Variants in SANBR observed in about 807,000 individuals in gnomAD.
The protein encoded by SANBR is SANT and BTB domain regulator of class switch recombination.
SANBR carries 77 observed loss-of-function variants against 101.8 expected under a neutral mutation model. That is an observed-to-expected ratio of 0.76 (90% CI 0.63 to 0.91). The LOEUF (loss-of-function observed/expected upper bound fraction) is 0.91. SANBR is among the 40% of genes least tolerant of loss of function. The probability of loss-of-function intolerance (pLI) is 0.00; values close to 1 mark genes in which losing one functional copy is unlikely to be tolerated. For synonymous variants in SANBR, 279 were observed against 274.7 expected (o/e 1.02, Z -0.15); for missense variants, 875 against 853.0 (o/e 1.03, Z -0.32).
intron 1 of SANBR, among the ~76,000 whole-genome samples, chr2:61,067,113 C>G (rs1681216240): frequency 6.6e-6 from 1 of 152,106 alleles, no homozygotes; most frequent in Non-Finnish European, 1.5e-5. Flanking sequence ...AATGCTATGC[C>G]TTTTATACTT....
chr2:61,079,418 T>C (rs149012979), intron 6 of SANBR, among the ~76,000 whole-genome samples: 31 of 152,342 alleles, frequency 2.0e-4, no homozygotes, highest in African/African-American at 7.2e-4. Flanking sequence ...AGTATTAAAA[T>C]AGAACTCTTA....
intron 12 of SANBR, among the ~76,000 whole-genome samples, chr2:61,101,667 A>C (rs1252385100): frequency 6.6e-6 from 1 of 150,694 alleles, no homozygotes; most frequent in East Asian, 2.0e-4. Context: ...TGGGAGGTGG[A>C]GCTTACAGTG....
chr2:61,072,709 A>T (rs1302720830), intron 4 of SANBR, among the ~76,000 whole-genome samples: 5 of 141,758 alleles, frequency 3.5e-5, no homozygotes, highest in Non-Finnish European at 7.7e-5. Flanking sequence ...AATTTCATGT[A>T]TTTTTTTTTT....
At chr2:61,082,912 T>C (rs947617588) in intron 7 of SANBR, among the ~76,000 whole-genome samples, 1 of 152,204 alleles carries the variant, frequency 6.6e-6, no homozygotes, top group African/African-American at 2.4e-5. Flanking sequence ...TTATTATTAT[T>C]TGAAATATTC....
rs564798487 is a variant in SANBR, at chr2:61,123,633, G to C, written c.*1471G>C. On this transcript the variant is annotated 3_prime_UTR_variant, in exon 22 of 22. Transcript: ENST00000402291. The stretch of plus-strand genomic sequence containing the variant: ...TTTTCTGATTAAAGGATTTGGATTT[G>C]TACATGTAAACAGTGCTGTAATGGT... The C allele has an allele frequency of 2.0e-6, 2 of 985,058 alleles. No individual in the cohort carries two copies. The highest frequency in any genetic ancestry group is 1.1e-4 in the East Asian group (1 of 8,950). The allele number at this position is 985,058 out of a possible 1,614,324, so 61.0% of individuals were successfully genotyped here.
intron 14 of SANBR, 31 bp downstream of exon 14, chr2:61,106,693 T>G: frequency 8.1e-7 from 1 of 1,238,748 alleles, no homozygotes; most frequent in Non-Finnish European, 1.2e-6. Flanking sequence ...TATTCTTTAT[T>G]TACATAAATA....
chr2:61,120,356 T>C (rs1278020023), intron 20 of SANBR, among the ~76,000 whole-genome samples: 2 of 152,046 alleles, frequency 1.3e-5, no homozygotes, highest in Non-Finnish European at 2.9e-5. Context: ...AAAAATTAGC[T>C]GGGCGTGGTG....
chr2:61,125,136 A>G (rs1684478198), downstream of SANBR, among the ~76,000 whole-genome samples: 2 of 152,204 alleles, frequency 1.3e-5, no homozygotes, highest in Non-Finnish European at 2.9e-5. Flanking sequence ...CAAGAATAAT[A>G]TTATTCCACC....
At chr2:61,074,611 C>T (rs987214801) in intron 5 of SANBR, among the ~76,000 whole-genome samples, 1 of 152,016 alleles carries the variant, frequency 6.6e-6, no homozygotes, top group Non-Finnish European at 1.5e-5. Flanking sequence ...GCCATGGTGG[C>T]CGGCCTGGTC....
intron 21 of SANBR, 40 bp downstream of exon 21, chr2:61,121,316 G>A (rs753357746): frequency 1.4e-6 from 2 of 1,419,886 alleles, no homozygotes; most frequent in South Asian, 2.5e-5. Flanking sequence ...CAGTGGCTTT[G>A]AAGTGAATTT....
rs904209693 is a variant in SANBR at position 61,123,862 on chromosome 2, C to T, written c.*1700C>T. 1.2e-5 allele frequency: 10 copies of T among 861,446 alleles called. No homozygotes were observed. Among genetic ancestry groups the T allele is most frequent in the African/African-American group, 1.8e-5 (1 of 54,812 alleles). The allele number at this position is 861,446 out of a possible 1,614,324, so 53.4% of individuals were successfully genotyped here. On this transcript the variant is annotated 3_prime_UTR_variant, in exon 22 of 22. Transcript: ENST00000402291. ...ATCCCAGCACTTTGGGAGGCCGAGG[C>T]GGGCAGATCACCTGAGGTCAGGAGT...
At position 61,122,966 on chromosome 2, in the gene SANBR, C is replaced by A; in HGVS notation, c.*804C>A. On this transcript the variant is annotated 3_prime_UTR_variant, in exon 22 of 22. Transcript: ENST00000402291. Reference sequence around the variant, plus strand: ...TGTACAGTTCTCAGGGCTCTAAAACCCAACCATATTTCTGTAACCATTCAA... The same window carrying A: ...TGTACAGTTCTCAGGGCTCTAAAACACAACCATATTTCTGTAACCATTCAA... 1 of 984,746 alleles carries A rather than the reference C, an allele frequency of 1.0e-6. No individual in the cohort carries two copies. Among genetic ancestry groups the A allele is most frequent in the Non-Finnish European group, 1.2e-6 (1 of 829,328 alleles). 61.0% of individuals were successfully genotyped at this position (984,746 alleles called of 1,614,324 possible). A position where few individuals can be genotyped will look rare whatever the true frequency, so the allele number is the denominator to read the frequency against.
intron 20 of SANBR, among the ~76,000 whole-genome samples, chr2:61,119,000 C>A (rs1192060346): frequency 6.6e-6 from 1 of 152,104 alleles, no homozygotes; most frequent in East Asian, 1.9e-4. Flanking sequence ...AATGTGTCAT[C>A]ACACCAAGAG....
chr2:61,135,619 A>C (rs1684818799), intron 21 of SANBR, among the ~76,000 whole-genome samples: 1 of 152,216 alleles, frequency 6.6e-6, no homozygotes, highest in Admixed American at 6.5e-5. Context: ...GAGCATAAAA[A>C]AATCAGGAAA....
chr2:61,081,830 G>A (rs1177294), intron 7 of SANBR, among the ~76,000 whole-genome samples: 116,322 of 151,940 alleles, frequency 0.77, 45,945 homozygotes, highest in African/African-American at 0.94. Flanking sequence ...TCTATTTTTT[G>A]TAGAGACGGG....
Position 61,122,667 on chromosome 2 carries a change from G to A in SANBR, c.*505G>A. On this transcript the variant is annotated 3_prime_UTR_variant, in exon 22 of 22. Transcript: ENST00000402291. ...CTGCATGAATATTAAGGAGTGACAG[G>A]TCTCAAGACTGCATTAAATGAAGTT... 15 of 986,118 alleles carry A rather than the reference G, an allele frequency of 1.5e-5. No individual in the cohort carries two copies. Among genetic ancestry groups the A allele is most frequent in the Non-Finnish European group, 1.8e-5 (15 of 830,386 alleles). 61.1% of individuals were successfully genotyped at this position (986,118 alleles called of 1,614,324 possible).
chr2:61,065,955 G>C lies in SANBR; in HGVS notation c.-219G>C, dbSNP rs966028558. The C allele has an allele frequency of 6.6e-6, 1 of 152,274 alleles. No individual in the cohort carries two copies. Among genetic ancestry groups the C allele is most frequent in the African/African-American group, 2.4e-5 (1 of 41,426 alleles). 9.4% of individuals were successfully genotyped at this position (152,274 alleles called of 1,614,324 possible). A position where few individuals can be genotyped will look rare whatever the true frequency, so the allele number is the denominator to read the frequency against. ...TGCGGGCTCGGTAGCGGCAGCTTCAGGGCGCGAGCGCGGGCGGTGCCGACC... is the reference window on the plus strand; with the variant it reads ...TGCGGGCTCGGTAGCGGCAGCTTCACGGCGCGAGCGCGGGCGGTGCCGACC... On this transcript the variant is annotated 5_prime_UTR_variant, in exon 1 of 22. Transcript: ENST00000402291.
intron 11 of SANBR, among the ~76,000 whole-genome samples, chr2:61,096,168 G>C (rs2104912406): frequency 6.6e-6 from 1 of 152,148 alleles, no homozygotes; most frequent in East Asian, 1.9e-4. Context: ...TTCCTTTCTA[G>C]ATAAAATGGT....
In SANBR at chr2:61,068,876, C is replaced by G. The variant is rs571576713; in HGVS notation, c.-119C>G. 9 of 152,424 alleles carry G rather than the reference C, an allele frequency of 5.9e-5. No homozygotes were observed. The highest frequency in any genetic ancestry group is 8.8e-5 in the Non-Finnish European group (6 of 68,030). 9.4% of individuals were successfully genotyped at this position (152,424 alleles called of 1,614,324 possible). On this transcript the variant is annotated 5_prime_UTR_variant, in exon 2 of 22. Coordinates refer to ENST00000402291, the MANE Select transcript of SANBR (RefSeq NM_001129993.3). ...GAGGAAATTGAGGCACAGAGATTAA[C>G]TAATCTGAACCAGATAATGCCATAA...
Sources: allele counts gnomAD v4.1 joint callset (sites outside exome capture counted in the v4.1 genomes callset), GRCh38; gene constraint gnomAD v4.1.1; transcripts MANE v1.5; gene names NCBI Gene and HGNC (gene_info 2026-07-23, HGNC 2026-07-21).